Variants in MAP2K5 observed in about 807,000 individuals in gnomAD.
MAP2K5 encodes dual specificity mitogen-activated protein kinase kinase 5.
A neutral mutation model predicts 83.1 loss-of-function variants in MAP2K5; 49 were observed. That is an observed-to-expected ratio of 0.59 (90% CI 0.47 to 0.75). The LOEUF is 0.75. Among genes scored for constraint, MAP2K5 ranks in the 30% least tolerant of loss-of-function variants. The probability of loss-of-function intolerance (pLI) is 0.00; values close to 1 mark genes in which losing one functional copy is unlikely to be tolerated. For synonymous variants in MAP2K5, 202 were observed against 191.8 expected, an observed-to-expected ratio of 1.05 and a Z score of -0.44; for missense variants, 457 against 557.5, an observed-to-expected ratio of 0.82 and a Z score of 1.82.
At chr15:67,590,446 C>CTCTCTCTCT (rs1555529574) in intron 6 of MAP2K5, among the ~76,000 whole-genome samples, 286 of 30,460 alleles carry the variant, frequency 9.4e-3, no homozygotes, top group African/African-American at 0.016. Flanking sequence ...TCCCTCCCTC[C>CTCTCTCTCT]CTCTCTCTCT....
intron 7 of MAP2K5, among the ~76,000 whole-genome samples, chr15:67,593,867 C>T (rs2085467664): frequency 6.6e-6 from 1 of 152,200 alleles, no homozygotes; most frequent in Non-Finnish European, 1.5e-5. Flanking sequence ...CTGACCTCTC[C>T]AAGCCTCACT....
chr15:67,607,589 C>T (rs887014439), intron 8 of MAP2K5, among the ~76,000 whole-genome samples: 1 of 152,204 alleles, frequency 6.6e-6, no homozygotes, highest in Non-Finnish European at 1.5e-5. Context: ...ACTCAGTTTC[C>T]ACCCGAATTA....
chr15:67,713,763 C>T (rs1418214194), intron 16 of MAP2K5, among the ~76,000 whole-genome samples: 1 of 151,770 alleles, frequency 6.6e-6, no homozygotes, highest in Non-Finnish European at 1.5e-5. Context: ...GCATGGATCA[C>T]CCAGCCCAGT....
intron 3 of MAP2K5, among the ~76,000 whole-genome samples, chr15:67,575,920 T>TTTCTTTC (rs1567283588): frequency 5.9e-4 from 74 of 126,212 alleles, no homozygotes; most frequent in African/African-American, 2.0e-3. Context: ...TTCTTTCTTT[T>TTTCTTTC]TTTTTTTTTT....
intron 16 of MAP2K5, among the ~76,000 whole-genome samples, chr15:67,715,743 A>G (rs2088815030): frequency 6.6e-6 from 1 of 152,240 alleles, no homozygotes; most frequent in African/African-American, 2.4e-5. Context: ...GTGGAGAAGC[A>G]GCAAGCTGAT....
At chr15:67,599,287 G>C (rs908162764) in intron 7 of MAP2K5, among the ~76,000 whole-genome samples, 3 of 152,088 alleles carry the variant, frequency 2.0e-5, no homozygotes, top group Non-Finnish European at 4.4e-5. Flanking sequence ...TTACTTCACT[G>C]ACCCTAAATA....
intron 17 of MAP2K5, among the ~76,000 whole-genome samples, chr15:67,742,095 C>T (rs1394425927): frequency 6.6e-6 from 1 of 152,006 alleles, no homozygotes; most frequent in Non-Finnish European, 1.5e-5. Context: ...GGGGTTTTAC[C>T]ATGTTAGCCA....
At chr15:67,800,763 C>T (rs1310534659) in intron 21 of MAP2K5, among the ~76,000 whole-genome samples, 1 of 152,204 alleles carries the variant, frequency 6.6e-6, no homozygotes, top group Non-Finnish European at 1.5e-5. Context: ...TTGGTGCACT[C>T]ACACAGCTTT....
rs187532902 is a variant in MAP2K5 at position 67,696,477 on chromosome 15, C to T, written c.972+2909C>T. Among the ~76,000 whole-genome samples, 67 of 152,230 alleles carry T rather than the reference C, an allele frequency of 4.4e-4. 1 individual carries two copies. The highest frequency in any genetic ancestry group is 2.8e-4 in the Non-Finnish European group (19 of 68,012). On this transcript the variant is annotated intron_variant, in intron 15 of 21. Coordinates refer to ENST00000178640, the MANE Select transcript of MAP2K5 (RefSeq NM_145160.3). ...CCTTTACCGAAAAAGTTTGCCAGCCCCTGATCTATGCCAGTGAAAGTTGTA... is the reference window on the plus strand; with the variant it reads ...CCTTTACCGAAAAAGTTTGCCAGCCTCTGATCTATGCCAGTGAAAGTTGTA...
intron 1 of MAP2K5, among the ~76,000 whole-genome samples, chr15:67,549,406 T>C (rs187768739): frequency 6.6e-6 from 1 of 152,324 alleles, no homozygotes; most frequent in Non-Finnish European, 1.5e-5. Flanking sequence ...AAGAACTGTT[T>C]GTGTTAAATG....
intron 16 of MAP2K5, among the ~76,000 whole-genome samples, chr15:67,713,662 G>A (rs2088753154): frequency 6.6e-6 from 1 of 152,084 alleles, no homozygotes; most frequent in South Asian, 2.1e-4. Flanking sequence ...CTTGAACCCA[G>A]GAGGCAGAGG....
At chr15:67,805,358 C>T (rs964851313) in intron 21 of MAP2K5, among the ~76,000 whole-genome samples, 5 of 152,218 alleles carry the variant, frequency 3.3e-5, no homozygotes, top group Middle Eastern at 3.2e-3. Flanking sequence ...GGGGCCATGC[C>T]GTCCCCTGCT....
intron 17 of MAP2K5, among the ~76,000 whole-genome samples, chr15:67,733,230 C>A (rs1050004039): frequency 6.6e-6 from 1 of 152,104 alleles, no homozygotes; most frequent in South Asian, 2.1e-4. Context: ...TTTATACAAC[C>A]GCCAGCGGAA....
chr15:67,705,188 T>A (rs929268650), intron 16 of MAP2K5, among the ~76,000 whole-genome samples: 2 of 152,194 alleles, frequency 1.3e-5, no homozygotes, highest in African/African-American at 4.8e-5. Context: ...AGCATAACTA[T>A]TAGATTTAAG....
chr15:67,702,914 CA>C lies in MAP2K5; in HGVS notation c.973-419del, dbSNP rs2088457050. Reference sequence around the variant, plus strand: ...ACCCTCCTGTTCCAGACCAATCTATCAAAATGCAAATAAGTGATAATATCAT... The same window carrying C: ...ACCCTCCTGTTCCAGACCAATCTATCAAATGCAAATAAGTGATAATATCAT... On this transcript the variant is annotated intron_variant, in intron 15 of 21. Coordinates refer to ENST00000178640, the MANE Select transcript of MAP2K5 (RefSeq NM_145160.3). This position sits in a 1 kb window ranked among gnomAD's most constrained non-coding sequence, Gnocchi z 4.6. 4.6e-5 allele frequency among the ~76,000 whole-genome samples: 7 copies of C among 152,154 alleles called. No individual in the cohort carries two copies. Among genetic ancestry groups the C allele is most frequent in the African/African-American group, 1.7e-4 (7 of 41,450 alleles).
intron 15 of MAP2K5, among the ~76,000 whole-genome samples, chr15:67,701,948 A>C (rs1263804749): frequency 6.6e-6 from 1 of 152,206 alleles, no homozygotes; most frequent in Non-Finnish European, 1.5e-5. Flanking sequence ...TGGACAGTGC[A>C]TTTAATGCTA....
At chr15:67,753,660 T>A (rs1438840813) in intron 19 of MAP2K5, among the ~76,000 whole-genome samples, 1 of 151,500 alleles carries the variant, frequency 6.6e-6, no homozygotes, top group Non-Finnish European at 1.5e-5. Flanking sequence ...CCCACTAGGA[T>A]GGCTGTAATT....
chr15:67,692,374 T>G, intron 13 of MAP2K5, 105 bp from the exon 14 acceptor site: 1 of 689,008 alleles, frequency 1.5e-6, no homozygotes, highest in Admixed American at 2.6e-5. Context: ...ATTGAGCAGA[T>G]GATGTCATTT....
chr15:67,769,197 T>C lies in MAP2K5; in HGVS notation c.1135-405T>C, dbSNP rs935560458. On this transcript the variant is annotated intron_variant, in intron 19 of 21. Transcript: ENST00000178640. This position sits in a 1 kb window ranked among gnomAD's most constrained non-coding sequence, Gnocchi z 5.2. ...AAATAAATGTAAATAAAAAGGAAAG[T>C]GTAAATAAATAGCAAATCCAGTAAA... is the stretch of plus-strand genomic sequence containing the variant. Among the ~76,000 whole-genome samples, 5 of 152,118 alleles carry C rather than the reference T, an allele frequency of 3.3e-5. No individual in the cohort carries two copies. In the South Asian group the frequency reaches 6.2e-4, roughly 19 times the overall value.
Sources: gnomAD v4.1 joint callset for allele counts (sites outside exome capture counted in the v4.1 genomes callset) on GRCh38, gnomAD v4.1.1 for gene constraint, Gnocchi (gnomAD v3.1) non-coding constraint, MANE v1.5 for transcripts, NCBI Gene and HGNC (gene_info 2026-07-23, HGNC 2026-07-21) for gene names.